Variants in CCDC171 observed in about 807,000 individuals in gnomAD.
CCDC171 encodes the protein coiled-coil domain-containing protein 171.
In CCDC171, 177 loss-of-function variants were observed where a neutral mutation model predicts 168.2. That is an observed-to-expected ratio of 1.05 (90% CI 0.93 to 1.19). The LOEUF (loss-of-function observed/expected upper bound fraction) is 1.19, where lower values mean the gene tolerates loss of function less well. Among genes scored for constraint, CCDC171 ranks in the 50% most tolerant of loss-of-function variants. CCDC171 has a pLI of 0.00. For missense variants in CCDC171, 1,991 were observed against 1,539.0 expected, an observed-to-expected ratio of 1.29 and a Z score of -4.91; for synonymous variants, 687 against 540.8, an observed-to-expected ratio of 1.27 and a Z score of -3.75.
chr9:15,887,362 T>C (rs543898184), intron 24 of CCDC171, among the ~76,000 whole-genome samples: 1 of 152,302 alleles, frequency 6.6e-6, no homozygotes, highest in South Asian at 2.1e-4. Context: ...TGGAGCCTTC[T>C]AGTAACAGTA....
chr9:15,878,366 G>GA (rs1014078510), intron 24 of CCDC171, among the ~76,000 whole-genome samples: 208 of 147,610 alleles, frequency 1.4e-3, no homozygotes, highest in Middle Eastern at 7.1e-3. Context: ...ACAGGAGTAT[G>GA]AAAAAAAAAA....
rs1480237238 is a variant in CCDC171, at chr9:15,819,357, T to G, written c.3268-27345T>G. Among the ~76,000 whole-genome samples the G allele has an allele frequency of 4.3e-5, 5 of 117,466 alleles. 2 individuals carry two copies. Among genetic ancestry groups the G allele is most frequent in the Admixed American group, 8.0e-5 (1 of 12,506 alleles). The allele number at this position is 117,466 out of a possible 152,430, so 77.1% of individuals were successfully genotyped here. On this transcript the variant is annotated intron_variant, in intron 21 of 25. Transcript: ENST00000380701. ...CACACATAACAATATTAACCTTAAATGTAAATGGGCTAAATGCTCCAATTA... is the reference window on the plus strand; with the variant it reads ...CACACATAACAATATTAACCTTAAAGGTAAATGGGCTAAATGCTCCAATTA...
In CCDC171 at chr9:15,911,472, G is replaced by T. The variant is rs150811284; in HGVS notation, c.3601-8798G>T. 6.6e-5 allele frequency among the ~76,000 whole-genome samples: 10 copies of T among 152,206 alleles called. No homozygotes were observed. The East Asian group carries it at 1.9e-3, about 29-fold the overall frequency. On this transcript the variant is annotated intron_variant, in intron 24 of 25. Coordinates refer to ENST00000380701, the MANE Select transcript of CCDC171 (RefSeq NM_173550.4). ...CCCTTTGTCAGATGGATAGATTGCA[G>T]TAATTTTCTCCTATTCTGTAGGTTG...
intron 7 of CCDC171, among the ~76,000 whole-genome samples, chr9:15,647,355 A>T (rs1176976997): frequency 6.6e-6 from 1 of 152,220 alleles, no homozygotes; most frequent in Non-Finnish European, 1.5e-5. Context: ...CAGAAGCAAG[A>T]GCAAACACAT....
intron 4 of CCDC171, among the ~76,000 whole-genome samples, chr9:16,022,099 T>C (rs534903725): frequency 3.9e-5 from 6 of 152,220 alleles, no homozygotes; most frequent in African/African-American, 1.2e-4. Flanking sequence ...ATATGAGTGG[T>C]GGACACAGTG....
chr9:16,100,227 A>G, the CCDC171 span, among the ~76,000 whole-genome samples: 9 of 152,290 alleles, frequency 5.9e-5, no homozygotes, highest in South Asian at 1.7e-3. Flanking sequence ...GGAAAAACCT[A>G]AAAAGGGAAG....
chr9:16,086,015 T>C, the CCDC171 span, among the ~76,000 whole-genome samples: 1 of 152,200 alleles, frequency 6.6e-6, no homozygotes, highest in Non-Finnish European at 1.5e-5. Flanking sequence ...TTTTCTGTTG[T>C]TTGGAATAGT....
chr9:15,977,178 C>T (rs1474379307), downstream of CCDC171, among the ~76,000 whole-genome samples: 1 of 152,156 alleles, frequency 6.6e-6, no homozygotes, highest in Non-Finnish European at 1.5e-5. Context: ...ATCCAGATAT[C>T]AGATGTCCTG....
intron 3 of CCDC171, among the ~76,000 whole-genome samples, chr9:15,994,335 G>A (rs1832302276): frequency 6.6e-6 from 1 of 152,096 alleles, no homozygotes; most frequent in Admixed American, 6.5e-5. Context: ...CTATTGCAAG[G>A]ACAAAAATCC....
chr9:15,787,634 A>G (rs2058037816), intron 21 of CCDC171, among the ~76,000 whole-genome samples: 1 of 152,186 alleles, frequency 6.6e-6, no homozygotes, highest in Non-Finnish European at 1.5e-5. Flanking sequence ...TTTCATCAGG[A>G]TGAATTCCTA....
chr9:15,779,327 T>C (rs1378276169), intron 20 of CCDC171, among the ~76,000 whole-genome samples, 177 bp downstream of exon 20: 1 of 152,182 alleles, frequency 6.6e-6, no homozygotes, highest in East Asian at 1.9e-4. Context: ...TTGCTGATGT[T>C]GGTGGCAGGC....
intron 8 of CCDC171, among the ~76,000 whole-genome samples, 163 bp from the exon 9 acceptor site, chr9:15,666,000 G>A (rs2048707216): frequency 6.6e-6 from 1 of 152,080 alleles, no homozygotes; most frequent in African/African-American, 2.4e-5. Context: ...TATTGAGAAA[G>A]GGAATAAACT....
chr9:16,063,514 TG>T (rs773312632), downstream of CCDC171, among the ~76,000 whole-genome samples: 2 of 152,182 alleles, frequency 1.3e-5, no homozygotes, highest in Non-Finnish European at 2.9e-5. Flanking sequence ...AAAGTGAAGT[TG>T]GGGGGTTTTA....
chr9:16,009,901 A>T (rs3008723), intron 3 of CCDC171, among the ~76,000 whole-genome samples: 86,180 of 152,052 alleles, frequency 0.57, 24,647 homozygotes, highest in East Asian at 0.66. Flanking sequence ...GATCTAAAAA[A>T]TGCATTACAG....
intron 25 of CCDC171, among the ~76,000 whole-genome samples, chr9:15,952,460 T>G (rs1466193542): frequency 6.6e-6 from 1 of 152,126 alleles, no homozygotes; most frequent in Non-Finnish European, 1.5e-5. Flanking sequence ...TACAATGGCG[T>G]GATCTCAGCT....
intron 1 of CCDC171, among the ~76,000 whole-genome samples, chr9:16,043,295 A>G (rs1564132682): frequency 6.6e-6 from 1 of 152,162 alleles, no homozygotes; most frequent in Non-Finnish European, 1.5e-5. Context: ...TGTTAATGCC[A>G]TTAGTGTATC....
intron 8 of CCDC171, among the ~76,000 whole-genome samples, chr9:15,665,638 G>C (rs1014189847): frequency 2.0e-5 from 3 of 152,014 alleles, no homozygotes; most frequent in African/African-American, 7.2e-5. Flanking sequence ...ACAATTAGCT[G>C]GGTGTGGTGG....
chr9:15,679,189 C>T (rs1414918467), intron 10 of CCDC171, among the ~76,000 whole-genome samples: 1 of 151,812 alleles, frequency 6.6e-6, no homozygotes. Flanking sequence ...AACAGTATTA[C>T]TTAGATTAAG....
Position 15,822,064 on chromosome 9 carries a change from G to C in CCDC171, c.3268-24638G>C, listed in dbSNP as rs201660095. On this transcript the variant is annotated intron_variant, in intron 21 of 25. Coordinates refer to ENST00000380701, the MANE Select transcript of CCDC171 (RefSeq NM_173550.4). ...ACTATCTGATCTTTGACAAACCTGA[G>C]AAAAACAAGAAATGTGGAAAGGATT... Among the ~76,000 whole-genome samples the C allele has an allele frequency of 5.9e-5, 9 of 152,150 alleles. No individual in the cohort carries two copies. In the East Asian group the frequency reaches 1.4e-3, roughly 23 times the overall value.
Sources: allele counts gnomAD v4.1 joint callset (sites outside exome capture counted in the v4.1 genomes callset), GRCh38; gene constraint gnomAD v4.1.1; transcripts MANE v1.5; gene names NCBI Gene and HGNC (gene_info 2026-07-23, HGNC 2026-07-21).